Variants in DNM3 observed in about 807,000 individuals in gnomAD.
The protein encoded by DNM3 is dynamin-3.
In DNM3, 47 loss-of-function variants were observed where a neutral mutation model predicts 101.6. That is an observed-to-expected ratio of 0.46 (90% CI 0.37 to 0.59). The LOEUF (loss-of-function observed/expected upper bound fraction) is 0.59. Among genes scored for constraint, DNM3 ranks in the 20% least tolerant of loss-of-function variants. DNM3 has a pLI of 0.00. For synonymous variants in DNM3, 385 were observed against 387.9 expected (o/e 0.99, Z 0.09); for missense variants, 849 against 1,085.7 (o/e 0.78, Z 3.06).
At chr1:172,104,511 T>C (rs1339001398) in intron 13 of DNM3, among the ~76,000 whole-genome samples, 1 of 152,118 alleles carries the variant, frequency 6.6e-6, no homozygotes, top group Non-Finnish European at 1.5e-5. Context: ...CTCTTTGATA[T>C]TTTTTAACTT....
At chr1:172,075,532 G>T (rs2052581401) in intron 11 of DNM3, among the ~76,000 whole-genome samples, 1 of 152,108 alleles carries the variant, frequency 6.6e-6, no homozygotes, top group African/African-American at 2.4e-5. Context: ...TCTGCATATG[G>T]CTAGCCAGTT....
intron 12 of DNM3, among the ~76,000 whole-genome samples, chr1:172,091,750 A>G (rs571418287): frequency 6.6e-6 from 1 of 152,250 alleles, no homozygotes; most frequent in Admixed American, 6.5e-5. Flanking sequence ...CACGGTTTCG[A>G]GCAGAAGAGT....
At chr1:172,412,941 C>T (rs1340037387), downstream of DNM3, among the ~76,000 whole-genome samples, 1 of 152,134 alleles carries the variant, frequency 6.6e-6, no homozygotes, top group Non-Finnish European at 1.5e-5. Flanking sequence ...CATTGTGTTT[C>T]TGATTTGATG....
intron 1 of DNM3, chr1:171,864,209 G>A (rs1300300966): frequency 6.6e-6 from 1 of 152,198 alleles, no homozygotes; most frequent in Non-Finnish European, 1.5e-5. Flanking sequence ...AAGGACACCT[G>A]CTGTATTTAA....
chr1:172,316,113 C>T (rs1046208895), intron 16 of DNM3, among the ~76,000 whole-genome samples: 2 of 151,898 alleles, frequency 1.3e-5, no homozygotes, highest in Admixed American at 1.3e-4. Flanking sequence ...AATTTTCAAC[C>T]CAGAATTTCA....
At chr1:172,375,921 G>A (rs957894519) in intron 17 of DNM3, among the ~76,000 whole-genome samples, 14 of 151,794 alleles carry the variant, frequency 9.2e-5, no homozygotes, top group African/African-American at 2.9e-4. Flanking sequence ...GAGTTCAGGG[G>A]TTCGAGACTG....
chr1:171,920,046 A>T (rs2040033634), intron 1 of DNM3, among the ~76,000 whole-genome samples: 1 of 152,198 alleles, frequency 6.6e-6, no homozygotes, highest in Non-Finnish European at 1.5e-5. Flanking sequence ...TGACATTCTA[A>T]ATGAACTTTG....
chr1:171,891,955 A>G (rs892184125), intron 1 of DNM3, among the ~76,000 whole-genome samples: 5 of 152,256 alleles, frequency 3.3e-5, no homozygotes, highest in Admixed American at 3.3e-4. Context: ...TATTATCTAC[A>G]TAAATTATTT....
At chr1:172,064,868 G>A (rs1479878288) in intron 10 of DNM3, among the ~76,000 whole-genome samples, 2 of 152,138 alleles carry the variant, frequency 1.3e-5, no homozygotes, top group Non-Finnish European at 1.5e-5. Flanking sequence ...CATAATGGTA[G>A]TTCTTCTAGT....
In DNM3 at chr1:172,237,035, C is replaced by T. The variant is rs575586984; in HGVS notation, c.1660-16538C>T. ...AATTCTTCTACAGCTCTTTAGTTTG[C>T]GCCACACAACTCAGCATTTTACCAA... On this transcript the variant is annotated intron_variant, in intron 14 of 20. Coordinates refer to ENST00000627582, the MANE Select transcript of DNM3 (RefSeq NM_015569.5). 4.6e-5 allele frequency among the ~76,000 whole-genome samples: 7 copies of T among 152,176 alleles called. No individual in the cohort carries two copies. In the East Asian group the frequency reaches 7.7e-4, roughly 17 times the overall value.
At chr1:171,895,703 A>T (rs1321110833) in intron 1 of DNM3, among the ~76,000 whole-genome samples, 1 of 152,018 alleles carries the variant, frequency 6.6e-6, no homozygotes, top group African/African-American at 2.4e-5. Flanking sequence ...TTAGTCATGA[A>T]GTCCTTGCCC....
chr1:172,264,861 T>C (rs564283924), intron 15 of DNM3, among the ~76,000 whole-genome samples: 3 of 152,336 alleles, frequency 2.0e-5, no homozygotes, highest in Non-Finnish European at 4.4e-5. Flanking sequence ...CCAGGTCTAA[T>C]ATCTCCTAAC....
At chr1:172,150,095 G>T (rs1281761365) in intron 14 of DNM3, among the ~76,000 whole-genome samples, 3 of 152,092 alleles carry the variant, frequency 2.0e-5, no homozygotes, top group Non-Finnish European at 4.4e-5. Context: ...TTCTAAAAGG[G>T]TTTGATCCAA....
At chr1:172,360,703 T>C (rs2067697935) in intron 17 of DNM3, among the ~76,000 whole-genome samples, 1 of 152,042 alleles carries the variant, frequency 6.6e-6, no homozygotes, top group Non-Finnish European at 1.5e-5. Flanking sequence ...AACTACACTA[T>C]GGATTTAAGG....
At chr1:172,130,855 A>G (rs1222468803) in intron 13 of DNM3, among the ~76,000 whole-genome samples, 1 of 152,174 alleles carries the variant, frequency 6.6e-6, no homozygotes, top group Non-Finnish European at 1.5e-5. Context: ...AATATGTTTT[A>G]ATTGTAGCAA....
intron 2 of DNM3, among the ~76,000 whole-genome samples, chr1:171,937,887 C>T (rs114516991): frequency 0.011 from 1,709 of 152,250 alleles, 32 homozygotes; most frequent in African/African-American, 0.038. Flanking sequence ...CTGGCCAGAT[C>T]TGCATTTTCA....
intron 20 of DNM3, among the ~76,000 whole-genome samples, chr1:172,390,826 C>T (rs915005070): frequency 6.6e-6 from 1 of 152,178 alleles, no homozygotes; most frequent in African/African-American, 2.4e-5. Flanking sequence ...CATGCAGGAG[C>T]TACTTTTGTC....
At chr1:171,972,340 A>G (rs565467614) in intron 2 of DNM3, among the ~76,000 whole-genome samples, 5 of 152,352 alleles carry the variant, frequency 3.3e-5, no homozygotes, top group South Asian at 4.1e-4. Context: ...CTGTTTCTAC[A>G]TGCAAAATCA....
intron 10 of DNM3, among the ~76,000 whole-genome samples, chr1:172,066,925 T>C (rs2051715721): frequency 6.7e-6 from 1 of 149,814 alleles, no homozygotes; most frequent in Non-Finnish European, 1.5e-5. Flanking sequence ...GGTTATTAGG[T>C]TGAGATCTCT....
Sources: gnomAD v4.1 joint callset for allele counts (sites outside exome capture counted in the v4.1 genomes callset) on GRCh38, gnomAD v4.1.1 for gene constraint, MANE v1.5 for transcripts, NCBI Gene and HGNC (gene_info 2026-07-23, HGNC 2026-07-21) for gene names.